AGBL4: variants seen among roughly 807,000 people sequenced by gnomAD.
AGBL4 encodes AGBL carboxypeptidase 4.
AGBL4 carries 58 observed loss-of-function variants against 66.4 expected under a neutral mutation model. That is an observed-to-expected ratio of 0.87 (90% CI 0.71 to 1.09). The LOEUF (loss-of-function observed/expected upper bound fraction) is 1.09, where lower values mean the gene tolerates loss of function less well. Ranked by LOEUF, AGBL4 falls within the 50% of genes least tolerant of loss-of-function variation. The probability of loss-of-function intolerance (pLI) is 0.00; values close to 1 mark genes in which losing one functional copy is unlikely to be tolerated. For missense variants in AGBL4, 579 were observed against 631.0 expected (o/e 0.92, Z 0.88); for synonymous variants, 234 against 222.9 (o/e 1.05, Z -0.44).
intron 11 of AGBL4, among the ~76,000 whole-genome samples, chr1:48,564,616 T>G: frequency 6.6e-6 from 1 of 152,210 alleles, no homozygotes. Context: ...TTAACCAGCA[T>G]GTATACCAGT....
At chr1:49,509,808 A>G (rs1465400757) in intron 3 of AGBL4, among the ~76,000 whole-genome samples, 1 of 151,994 alleles carries the variant, frequency 6.6e-6, no homozygotes. Flanking sequence ...TAGGGGTAAC[A>G]ATATTACCTC....
chr1:49,892,409 C>T (rs1648745048), intron 1 of AGBL4, among the ~76,000 whole-genome samples: 2 of 152,136 alleles, frequency 1.3e-5, no homozygotes. Context: ...GTAGCACCTC[C>T]AAATTATTCA....
At chr1:49,689,114 T>C (rs892151764) in intron 3 of AGBL4, among the ~76,000 whole-genome samples, 2 of 152,166 alleles carry the variant, frequency 1.3e-5, no homozygotes, top group Admixed American at 1.3e-4. Flanking sequence ...TGGTTGCCTA[T>C]GTTTGTGGAG....
intron 1 of AGBL4, among the ~76,000 whole-genome samples, chr1:49,948,269 TAC>T (rs1655630200): frequency 9.5e-6 from 1 of 105,214 alleles, no homozygotes; most frequent in South Asian, 2.6e-4. Context: ...TATAAATAAA[TAC>T]ATATAAATAT....
At chr1:49,288,214 T>A in intron 3 of AGBL4, among the ~76,000 whole-genome samples, 1 of 82,166 alleles carries the variant, frequency 1.2e-5, no homozygotes, top group South Asian at 5.0e-4. Flanking sequence ...GGGACTGTGG[T>A]GGGGTGGGGG....
chr1:49,479,703 C>CTT (rs1351125149), intron 3 of AGBL4, among the ~76,000 whole-genome samples: 18 of 136,876 alleles, frequency 1.3e-4, no homozygotes, highest in South Asian at 2.4e-4. Context: ...TTCTTTTTTT[C>CTT]TTTTTTTTTT....
At chr1:48,706,730 A>C (rs1044657438) in intron 6 of AGBL4, among the ~76,000 whole-genome samples, 3 of 152,218 alleles carry the variant, frequency 2.0e-5, no homozygotes, top group African/African-American at 7.2e-5. Flanking sequence ...ATTTTTGTTA[A>C]ATAAATGAAT....
intron 3 of AGBL4, among the ~76,000 whole-genome samples, chr1:49,558,336 T>TCTGTGTTTTGTTTGTTTTATA (rs1553226748): frequency 1.3e-5 from 2 of 151,972 alleles, no homozygotes; most frequent in African/African-American, 2.4e-5. Context: ...GATCCCTGAT[T>TCTGTGTTTTGTTTGTTTTATA]CTGTGTTTTG....
At chr1:48,969,918 G>A (rs1658769918) in intron 5 of AGBL4, among the ~76,000 whole-genome samples, 1 of 152,172 alleles carries the variant, frequency 6.6e-6, no homozygotes, top group African/African-American at 2.4e-5. Context: ...TCAAACACAT[G>A]TGCTAGGCAG....
chr1:49,883,374 C>T (rs973046132), intron 1 of AGBL4, among the ~76,000 whole-genome samples: 1 of 152,068 alleles, frequency 6.6e-6, no homozygotes, highest in South Asian at 2.1e-4. Context: ...TCATATCTGA[C>T]TTCCCCAAGC....
intron 5 of AGBL4, among the ~76,000 whole-genome samples, chr1:48,980,826 T>C (rs1037392084): frequency 6.8e-6 from 1 of 146,782 alleles, no homozygotes; most frequent in Non-Finnish European, 1.5e-5. Flanking sequence ...AACCACTCTA[T>C]GTTTGAACTT....
chr1:49,813,938 T>C (rs1477751947), intron 2 of AGBL4, among the ~76,000 whole-genome samples: 1 of 152,148 alleles, frequency 6.6e-6, no homozygotes, highest in Non-Finnish European at 1.5e-5. Flanking sequence ...TTTCCCATGC[T>C]ATTCTCATGA....
At chr1:49,989,540 T>G (rs1659770151) in intron 1 of AGBL4, among the ~76,000 whole-genome samples, 2 of 152,168 alleles carry the variant, frequency 1.3e-5, no homozygotes, top group African/African-American at 2.4e-5. Flanking sequence ...TTCTTCAAAA[T>G]ACATGAAGAA....
chr1:48,831,075 A>G (rs1646540217), intron 6 of AGBL4, among the ~76,000 whole-genome samples: 1 of 152,212 alleles, frequency 6.6e-6, no homozygotes, highest in African/African-American at 2.4e-5. Flanking sequence ...AAAGGAATTA[A>G]TTTTTGGATT....
At chr1:49,838,213 T>C (rs1645901828) in intron 2 of AGBL4, among the ~76,000 whole-genome samples, 2 of 152,198 alleles carry the variant, frequency 1.3e-5, no homozygotes, top group Admixed American at 1.3e-4. Context: ...AAGCTATTGA[T>C]ATCCTGAGAG....
intron 3 of AGBL4, among the ~76,000 whole-genome samples, chr1:49,308,552 T>C (rs1160606342): frequency 6.6e-6 from 1 of 152,124 alleles, no homozygotes; most frequent in Non-Finnish European, 1.5e-5. Context: ...CTAAGTCACA[T>C]GGCAAATATA....
intron 1 of AGBL4, among the ~76,000 whole-genome samples, chr1:49,986,031 T>C (rs933989331): frequency 6.6e-5 from 10 of 152,106 alleles, no homozygotes; most frequent in African/African-American, 1.9e-4. Context: ...ACATAAGAAA[T>C]CTCTTGAGTT....
At chr1:49,209,511 G>A (rs1215708323) in intron 4 of AGBL4, among the ~76,000 whole-genome samples, 1 of 152,058 alleles carries the variant, frequency 6.6e-6, no homozygotes, top group African/African-American at 2.4e-5. Flanking sequence ...AATAGTGGGT[G>A]CATTAATAGA....
intron 2 of AGBL4, among the ~76,000 whole-genome samples, chr1:49,795,238 CTTTCA>C (rs1644701438): frequency 6.6e-6 from 1 of 151,748 alleles, no homozygotes; most frequent in Non-Finnish European, 1.5e-5. Flanking sequence ...TATATGAGGA[CTTTCA>C]TTTAAGTCTT....
Sources: gnomAD v4.1 joint callset for allele counts (sites outside exome capture counted in the v4.1 genomes callset) on GRCh38, gnomAD v4.1.1 for gene constraint, MANE v1.5 for transcripts, NCBI Gene and HGNC (gene_info 2026-07-23, HGNC 2026-07-21) for gene names.